RIMS2: variants seen among roughly 807,000 people sequenced by gnomAD.
RIMS2 encodes regulating synaptic membrane exocytosis protein 2.
Under a neutral mutation model 174.4 loss-of-function variants are expected in RIMS2, and 59 were observed. The ratio of observed to expected loss-of-function variants is 0.34; its 90% CI spans 0.27 to 0.42. RIMS2 has a LOEUF of 0.42. RIMS2 is among the 10% of genes least tolerant of loss of function. The pLI is 1.00. For synonymous variants in RIMS2, 606 were observed against 572.5 expected (o/e 1.06, Z -0.84); for missense variants, 1,620 against 1,666.3 (o/e 0.97, Z 0.48).
chr8:103,774,973 T>C (rs556427884), intron 3 of RIMS2, among the ~76,000 whole-genome samples: 1 of 152,152 alleles, frequency 6.6e-6, no homozygotes, highest in Non-Finnish European at 1.5e-5. Flanking sequence ...TGAAATTTTA[T>C]TAGTAGTAAA....
intron 19 of RIMS2, 143 bp downstream of exon 23, chr8:104,068,755 G>A: frequency 1.8e-6 from 1 of 557,808 alleles, no homozygotes; most frequent in Non-Finnish European, 3.2e-6. Flanking sequence ...TAAAATTTAT[G>A]TGTTTGTATA....
intron 1 of RIMS2, among the ~76,000 whole-genome samples, chr8:103,558,701 C>T (rs1436783952): frequency 6.6e-6 from 1 of 151,874 alleles, no homozygotes; most frequent in Non-Finnish European, 1.5e-5. Flanking sequence ...TAAATATGAA[C>T]ATGGTCACAC....
In RIMS2 at chr8:103,975,509, A is replaced by T. The variant is rs1324174239; in HGVS notation, c.2927+3A>T. The stretch of plus-strand genomic sequence containing the variant: ...CCCAGTGTCCCTCCTCCACAAAGGT[A>T]AGATAGACTACTTATTTTATTTGTA... On this transcript the variant is annotated splice_donor_region_variant and intron_variant, in intron 16 of 23. Coordinates refer to ENST00000504942, the Ensembl canonical transcript of RIMS2. The T allele has an allele frequency of 1.2e-5, 19 of 1,608,266 alleles. No homozygotes were observed. The highest frequency in any genetic ancestry group is 1.5e-5 in the Non-Finnish European group (18 of 1,175,340).
intron 3 of RIMS2, among the ~76,000 whole-genome samples, chr8:103,857,651 AT>A (rs2099035351): frequency 6.6e-6 from 1 of 152,196 alleles, no homozygotes; most frequent in Non-Finnish European, 1.5e-5. Context: ...TTTTAAGTTT[AT>A]CATACAATTA....
chr8:103,827,605 G>A (rs755205466), intron 3 of RIMS2, among the ~76,000 whole-genome samples: 2 of 152,198 alleles, frequency 1.3e-5, no homozygotes, highest in African/African-American at 4.8e-5. Flanking sequence ...GAGAGGCTGA[G>A]GCAGGCAGAT....
chr8:103,953,413 C>T (rs975166072), intron 14 of RIMS2, among the ~76,000 whole-genome samples: 3 of 152,170 alleles, frequency 2.0e-5, no homozygotes, highest in Middle Eastern at 3.2e-3. Flanking sequence ...TCGGCAGAAA[C>T]CCTGCAAGCC....
intron 19 of RIMS2, chr8:104,015,504 G>A (rs781698833): frequency 8.0e-6 from 5 of 628,160 alleles, no homozygotes; most frequent in South Asian, 7.5e-5. Context: ...CCTTTTTGGG[G>A]GGCTAGTAAG....
chr8:104,222,017 C>G (rs563123824), intron 19 of RIMS2, among the ~76,000 whole-genome samples: 1 of 152,198 alleles, frequency 6.6e-6, no homozygotes, highest in East Asian at 1.9e-4. Context: ...CAAACTCACT[C>G]TCTTCCTGGA....
chr8:103,642,121 C>T (rs2096243695), intron 1 of RIMS2, among the ~76,000 whole-genome samples: 1 of 151,948 alleles, frequency 6.6e-6, no homozygotes, highest in South Asian at 2.1e-4. Flanking sequence ...TGTTTTATTT[C>T]TTATTTTATC....
chr8:103,692,826 T>C (rs1483712389), intron 1 of RIMS2, among the ~76,000 whole-genome samples: 1 of 152,168 alleles, frequency 6.6e-6, no homozygotes, highest in East Asian at 1.9e-4. Flanking sequence ...CTATGAGCTC[T>C]GCTACCTGGG....
intron 20 of RIMS2, among the ~76,000 whole-genome samples, chr8:104,247,876 A>C (rs2099344906): frequency 6.6e-6 from 1 of 152,328 alleles, no homozygotes; most frequent in African/African-American, 2.4e-5. Flanking sequence ...GGCATTTAAA[A>C]CCATGAGACT....
intron 1 of RIMS2, among the ~76,000 whole-genome samples, chr8:103,519,578 C>A (rs1291999187): frequency 2.0e-5 from 3 of 152,040 alleles, no homozygotes; most frequent in Non-Finnish European, 1.5e-5. Flanking sequence ...TTATAGCCTT[C>A]CAGTTTGAAG....
chr8:103,757,741 A>G (rs547015666), intron 2 of RIMS2, among the ~76,000 whole-genome samples: 3 of 152,198 alleles, frequency 2.0e-5, no homozygotes, highest in Non-Finnish European at 4.4e-5. Context: ...AATCCCTTGT[A>G]TCATCAGTGC....
chr8:103,559,427 AAAAG>A (rs60436909), intron 1 of RIMS2: 38,419 of 350,238 alleles, frequency 0.11, 3,283 homozygotes, highest in African/African-American at 0.25. Flanking sequence ...CAGGGGATTA[AAAAG>A]AAAGAGAGAG....
chr8:103,750,451 G>C (rs2097873375), intron 2 of RIMS2, among the ~76,000 whole-genome samples: 1 of 152,088 alleles, frequency 6.6e-6, no homozygotes, highest in Admixed American at 6.5e-5. Context: ...AAATAACAAA[G>C]AGTGTAATTG....
chr8:103,768,707 A>C, intron 3 of RIMS2: 1 of 770,062 alleles, frequency 1.3e-6, no homozygotes, highest in East Asian at 2.5e-5. Flanking sequence ...AGAATCCACA[A>C]ACTTTTCAAT....
rs917699483 is a variant in RIMS2, at chr8:103,550,341, T to G, written c.176+49279T>G. Among the ~76,000 whole-genome samples the G allele has an allele frequency of 2.0e-5, 3 of 152,140 alleles. No homozygotes were observed. The East Asian group carries it at 5.8e-4, about 29-fold the overall frequency. On this transcript the variant is annotated intron_variant, in intron 1 of 23. Transcript: ENST00000504942. ...TCAACTACATGGAAATTGAACAACC[T>G]GTCCTGAATGGCCCCTGGGTACCAT...
At chr8:104,055,421 T>C (rs1414017415) in intron 19 of RIMS2, among the ~76,000 whole-genome samples, 19 of 152,142 alleles carry the variant, frequency 1.2e-4, no homozygotes, top group Admixed American at 1.2e-3. Context: ...TATTTAGCAA[T>C]CATGTAAAAG....
At chr8:103,651,437 A>T (rs2096450774) in intron 1 of RIMS2, among the ~76,000 whole-genome samples, 1 of 146,490 alleles carries the variant, frequency 6.8e-6, no homozygotes, top group Non-Finnish European at 1.5e-5. Flanking sequence ...TCAGTTTCTG[A>T]CTGTGAATTT....
Sources: allele counts gnomAD v4.1 joint callset (sites outside exome capture counted in the v4.1 genomes callset), GRCh38; gene constraint gnomAD v4.1.1; transcripts MANE v1.5; gene names NCBI Gene and HGNC (gene_info 2026-07-23, HGNC 2026-07-21).